Variants in DPP10 observed in about 807,000 individuals in gnomAD.
DPP10 encodes the protein inactive dipeptidyl peptidase 10.
DPP10 carries 33 observed loss-of-function variants against 120.9 expected under a neutral mutation model. That is an observed-to-expected ratio of 0.27 (90% confidence interval 0.21 to 0.37). DPP10 has a LOEUF of 0.37. Among genes scored for constraint, DPP10 ranks in the 10% least tolerant of loss-of-function variants. The pLI, the probability that DPP10 is intolerant of heterozygous loss-of-function variation, is 1.00. For synonymous variants in DPP10, 337 were observed against 326.1 expected (o/e 1.03, Z -0.36); for missense variants, 816 against 942.8 (o/e 0.87, Z 1.76).
At chr2:114,971,392 T>G (rs532699008) in intron 1 of DPP10, among the ~76,000 whole-genome samples, 9 of 152,308 alleles carry the variant, frequency 5.9e-5, no homozygotes, top group African/African-American at 2.2e-4. Context: ...AAAAGGGTTT[T>G]TTTAATCCTC....
intron 3 of DPP10, among the ~76,000 whole-genome samples, chr2:115,450,136 A>T (rs1307552666): frequency 1.3e-5 from 2 of 151,924 alleles, no homozygotes; most frequent in African/African-American, 4.8e-5. Context: ...AAATGCGTTA[A>T]ATACTCCCAA....
intron 1 of DPP10, among the ~76,000 whole-genome samples, chr2:114,468,140 G>A (rs182610296): frequency 9.0e-4 from 137 of 152,164 alleles, no homozygotes; most frequent in African/African-American, 3.2e-3. Flanking sequence ...ACAATACTCC[G>A]TAAAGGTTGC....
rs1016663428 is a variant in DPP10 at position 115,796,227 on chromosome 2, C to T, written c.1700+4871C>T. On this transcript the variant is annotated intron_variant, in intron 19 of 25. Transcript: ENST00000410059. Reference sequence around the variant, plus strand: ...ATAGCCTCCCAGTGCCCTGAGTTTGCCTGCCCACCTGGAGAAGTTCTCTTA... The same window carrying T: ...ATAGCCTCCCAGTGCCCTGAGTTTGTCTGCCCACCTGGAGAAGTTCTCTTA... Among the ~76,000 whole-genome samples, 4 of 152,066 alleles carry T rather than the reference C, an allele frequency of 2.6e-5. No homozygotes were observed. The East Asian group carries it at 5.8e-4, about 22-fold the overall frequency.
chr2:115,248,445 A>G (rs1201191863), intron 1 of DPP10, among the ~76,000 whole-genome samples: 1 of 151,948 alleles, frequency 6.6e-6, no homozygotes, highest in African/African-American at 2.4e-5. Flanking sequence ...CTATGCTTAC[A>G]GACTTCTTTT....
intron 24 of DPP10, among the ~76,000 whole-genome samples, chr2:115,839,247 T>G (rs1401235494): frequency 6.6e-6 from 1 of 152,228 alleles, no homozygotes; most frequent in Admixed American, 6.5e-5. Flanking sequence ...ATCTAGTTTT[T>G]TAATAGGTTT....
At chr2:114,539,888 C>T (rs1198896166) in intron 1 of DPP10, among the ~76,000 whole-genome samples, 1 of 152,076 alleles carries the variant, frequency 6.6e-6, no homozygotes, top group African/African-American at 2.4e-5. Flanking sequence ...AGAACAGCAA[C>T]CATTTATATT....
At chr2:115,573,390 C>A (rs2081456401) in intron 5 of DPP10, among the ~76,000 whole-genome samples, 2 of 143,548 alleles carry the variant, frequency 1.4e-5, no homozygotes, top group African/African-American at 5.2e-5. Flanking sequence ...TCACGCCATT[C>A]TCCTGCCTCA....
chr2:115,675,804 C>G (rs1227676226), intron 5 of DPP10, among the ~76,000 whole-genome samples: 2 of 152,142 alleles, frequency 1.3e-5, no homozygotes, highest in Non-Finnish European at 2.9e-5. Flanking sequence ...GTTATTGCAG[C>G]ACAATGACAT....
chr2:115,675,858 C>T (rs960291111), intron 5 of DPP10, among the ~76,000 whole-genome samples: 10 of 152,278 alleles, frequency 6.6e-5, no homozygotes, highest in Admixed American at 1.3e-4. Flanking sequence ...TCCCTGAGGA[C>T]GAATAGCCCC....
chr2:115,507,086 C>T (rs573347612), intron 4 of DPP10, among the ~76,000 whole-genome samples: 64 of 151,876 alleles, frequency 4.2e-4, no homozygotes, highest in African/African-American at 1.3e-3. Context: ...GCAAGCAGCA[C>T]CTATTATTAT....
At chr2:115,428,658 C>T (rs1310029321) in intron 3 of DPP10, among the ~76,000 whole-genome samples, 3 of 152,144 alleles carry the variant, frequency 2.0e-5, no homozygotes, top group African/African-American at 4.8e-5. Flanking sequence ...TACCAGGCCC[C>T]GCCTCCAACG....
At chr2:115,275,055 A>G (rs1183668390) in intron 1 of DPP10, among the ~76,000 whole-genome samples, 1 of 152,206 alleles carries the variant, frequency 6.6e-6, no homozygotes, top group Non-Finnish European at 1.5e-5. Flanking sequence ...AATGATTTAA[A>G]CCAGCTTTAG....
intron 5 of DPP10, among the ~76,000 whole-genome samples, chr2:115,591,681 A>G (rs999754001): frequency 2.0e-5 from 3 of 152,180 alleles, no homozygotes; most frequent in Admixed American, 2.0e-4. Context: ...GTTTTTTCCA[A>G]TTCTGTGAAG....
chr2:114,826,662 C>G (rs150120663), intron 1 of DPP10, among the ~76,000 whole-genome samples: 25 of 152,238 alleles, frequency 1.6e-4, no homozygotes, highest in African/African-American at 5.3e-4. Context: ...TCCCAGCTAG[C>G]TGGGATTACA....
At chr2:115,364,216 G>A (rs1381678252) in intron 3 of DPP10, among the ~76,000 whole-genome samples, 1 of 151,490 alleles carries the variant, frequency 6.6e-6, no homozygotes, top group African/African-American at 2.4e-5. Context: ...TTTCTTATCT[G>A]TTTTGAAATT....
At chr2:114,967,782 A>ACATTAT (rs3981150) in intron 1 of DPP10, among the ~76,000 whole-genome samples, 3,161 of 151,890 alleles carry the variant, frequency 0.021, 102 homozygotes, top group African/African-American at 0.072. Flanking sequence ...GCCTTATTTA[A>ACATTAT]CATTATCATT....
At chr2:115,133,248 G>A (rs1488938021) in intron 1 of DPP10, among the ~76,000 whole-genome samples, 3 of 141,756 alleles carry the variant, frequency 2.1e-5, no homozygotes, top group South Asian at 2.3e-4. Context: ...GTGAAATCTC[G>A]GATTTGCCAT....
At chr2:115,741,852 T>G (rs1677315802) in intron 9 of DPP10, among the ~76,000 whole-genome samples, 1 of 152,128 alleles carries the variant, frequency 6.6e-6, no homozygotes, top group South Asian at 2.1e-4. Context: ...GCCTCATAAT[T>G]TTGACTAGAT....
chr2:115,700,090 G>A (rs1032286941), intron 7 of DPP10, among the ~76,000 whole-genome samples: 1 of 152,158 alleles, frequency 6.6e-6, no homozygotes, highest in South Asian at 2.1e-4. Flanking sequence ...GAGGAAGGGG[G>A]TGAGAGTTAC....
Sources: allele counts gnomAD v4.1 joint callset (sites outside exome capture counted in the v4.1 genomes callset), GRCh38; gene constraint gnomAD v4.1.1; transcripts MANE v1.5; gene names NCBI Gene and HGNC (gene_info 2026-07-23, HGNC 2026-07-21).